The following TLCD4 variants were observed in gnomAD, a reference collection of about 807,000 sequenced individuals.
TLCD4 encodes TLC domain-containing protein 4.
In TLCD4, 7 loss-of-function variants were observed where a neutral mutation model predicts 24.2. The observed-to-expected ratio is 0.29, with a 90% confidence interval of 0.16 to 0.54. The LOEUF (loss-of-function observed/expected upper bound fraction) is 0.54, where lower values mean the gene tolerates loss of function less well. TLCD4 is among the 20% of genes least tolerant of loss of function. The pLI is 0.95. For missense variants in TLCD4, 259 were observed against 313.9 expected, an observed-to-expected ratio of 0.82 and a Z score of 1.32; for synonymous variants, 103 against 106.4, an observed-to-expected ratio of 0.97 and a Z score of 0.20.
At chr1:95,145,343 C>T (rs981789422) in intron 2 of TLCD4, among the ~76,000 whole-genome samples, 2 of 151,898 alleles carry the variant, frequency 1.3e-5, no homozygotes, top group South Asian at 2.1e-4. Context: ...CCCTTTGAAC[C>T]AAATTGTTTT....
At chr1:95,140,298 C>T (rs573990278) in intron 1 of TLCD4, among the ~76,000 whole-genome samples, 3 of 152,236 alleles carry the variant, frequency 2.0e-5, no homozygotes, top group Non-Finnish European at 2.9e-5. Context: ...ACCTCAAACA[C>T]GTGAGTAATG....
At position 95,144,930 on chromosome 1, in the gene TLCD4, A is replaced by T. The variant is rs571901592; in HGVS notation, c.155+874A>T. Among the ~76,000 whole-genome samples, 14 of 152,242 alleles carry T rather than the reference A, an allele frequency of 9.2e-5. No individual in the cohort carries two copies. The South Asian group carries it at 2.9e-3, about 32-fold the overall frequency. On this transcript the variant is annotated intron_variant, in intron 2 of 6. Transcript: ENST00000370203. ...GGTCTTGAACTCCTGACCTCAGGTG[A>T]TCCACCCACCTTGCCCTCCCAAAGT... is the stretch of plus-strand genomic sequence containing the variant.
intron 5 of TLCD4, among the ~76,000 whole-genome samples, chr1:95,160,402 T>C (rs960006973): frequency 3.3e-5 from 5 of 152,224 alleles, no homozygotes; most frequent in African/African-American, 1.2e-4. Flanking sequence ...TAAGGAGATT[T>C]TGGGCTGAGA....
chr1:95,151,542 G>A, intron 5 of TLCD4, 123 bp downstream of exon 5: 1 of 1,146,016 alleles, frequency 8.7e-7, no homozygotes, highest in Non-Finnish European at 1.2e-6. Context: ...ATGCATTCAG[G>A]GATTGCTTTT....
At chr1:95,110,741 G>C in the TLCD4 span, among the ~76,000 whole-genome samples, 3 of 151,716 alleles carry the variant, frequency 2.0e-5, no homozygotes, top group Non-Finnish European at 4.4e-5. Context: ...ATTTAAAAAA[G>C]TAGCCAGGTG....
intron 1 of TLCD4, among the ~76,000 whole-genome samples, chr1:95,126,028 A>G (rs1676724499): frequency 6.6e-6 from 1 of 150,970 alleles, no homozygotes; most frequent in African/African-American, 2.4e-5. Flanking sequence ...GCAGTGGCTC[A>G]TGCCTCTAAT....
the TLCD4 span, among the ~76,000 whole-genome samples, chr1:95,107,152 G>A: frequency 2.0e-4 from 31 of 152,284 alleles, 1 homozygote; most frequent in South Asian, 4.8e-3. Flanking sequence ...GGCCGGGCGC[G>A]GTGGCTCACG....
At position 95,143,961 on chromosome 1, in the gene TLCD4, G is replaced by A. The variant is rs143764689; in HGVS notation, c.60G>A (p.Gln20=). Residue 20 remains glutamine, a synonymous_variant, in exon 2 of 7, where the codon CAG becomes CAA. Transcript: ENST00000370203. ...CCTGTATCAGCTTTTTCACCTTTCA[G>A]CTTCTTTTCTACTTTGTAAGTTACT... The part of the protein sequence containing the change: ...SVTCISFFTF[Q]LLFYFVSYWF... 16 of 1,573,138 alleles carry A rather than the reference G, an allele frequency of 1.0e-5. No individual in the cohort carries two copies. In the African/African-American group the frequency reaches 1.6e-4, roughly 16 times the overall value.
At chr1:95,108,730 G>T in the TLCD4 span, among the ~76,000 whole-genome samples, 1 of 152,094 alleles carries the variant, frequency 6.6e-6, no homozygotes, top group Non-Finnish European at 1.5e-5. Flanking sequence ...TTTTTTCCAG[G>T]TGCTATCCAT....
rs1261639810 is a variant in TLCD4, at chr1:95,117,503, C to G, written c.-126C>G. ...TGAGCATCTCACCGGGCGGCACTGG[C>G]CAGCGCCAGCCCTCGGGCCGGCCCG... is the stretch of plus-strand genomic sequence containing the variant. On this transcript the variant is annotated 5_prime_UTR_variant, in exon 1 of 7. Transcript: ENST00000370203. The G allele has an allele frequency of 1.3e-5, 2 of 152,132 alleles. No homozygotes were observed. The highest frequency in any genetic ancestry group is 1.3e-4 in the Admixed American group (2 of 15,276). 9.4% of individuals were successfully genotyped at this position (152,132 alleles called of 1,614,324 possible).
Position 95,194,553 on chromosome 1 carries a change from ACT to A in TLCD4, c.*2688_*2689del, listed in dbSNP as rs1368291637. 9 of 152,144 alleles carry A rather than the reference ACT, an allele frequency of 5.9e-5. No individual in the cohort carries two copies. The highest frequency in any genetic ancestry group is 2.2e-4 in the African/African-American group (9 of 41,446). The allele number at this position is 152,144 out of a possible 1,614,324, so 9.4% of individuals were successfully genotyped here. On this transcript the variant is annotated 3_prime_UTR_variant, in exon 7 of 7. Transcript: ENST00000370203. Reference sequence around the variant, plus strand: ...CTATCAGGCATTCTGATATTTAACAACTCTATTAAAATATTTATAGAAAAATA... The same window carrying A: ...CTATCAGGCATTCTGATATTTAACAACTATTAAAATATTTATAGAAAAATA...
intron 1 of TLCD4, among the ~76,000 whole-genome samples, chr1:95,125,180 G>A (rs1676680839): frequency 6.6e-6 from 1 of 152,114 alleles, no homozygotes; most frequent in South Asian, 2.1e-4. Context: ...TCATTATCAA[G>A]TCTGTGGGCC....
intron 5 of TLCD4, among the ~76,000 whole-genome samples, chr1:95,159,112 A>G (rs879609156): frequency 5.3e-5 from 8 of 152,158 alleles, no homozygotes; most frequent in Non-Finnish European, 7.3e-5. Context: ...GAACTAGTTT[A>G]CACTCCCACC....
At chr1:95,126,773 A>G (rs1442692777) in intron 1 of TLCD4, among the ~76,000 whole-genome samples, 1 of 152,056 alleles carries the variant, frequency 6.6e-6, no homozygotes, top group African/African-American at 2.4e-5. Context: ...TCCTGACATG[A>G]TGGTCTCAGG....
At chr1:95,174,017 C>T in intron 6 of TLCD4, 128 bp downstream of exon 6, 1 of 1,313,604 alleles carries the variant, frequency 7.6e-7, no homozygotes, top group Non-Finnish European at 1.0e-6. Flanking sequence ...TTGTTATCAC[C>T]ATCATACAAA....
the TLCD4 span, among the ~76,000 whole-genome samples, chr1:95,107,542 T>C: frequency 6.6e-6 from 1 of 152,348 alleles, no homozygotes; most frequent in Non-Finnish European, 1.5e-5. Flanking sequence ...TGGAATTGAA[T>C]ATTTTAGCAG....
In TLCD4 at chr1:95,193,845, G is replaced by A. The variant is rs965417858; in HGVS notation, c.*1977G>A. The A allele has an allele frequency of 1.1e-4, 16 of 152,038 alleles. No individual in the cohort carries two copies. The East Asian group carries it at 3.1e-3, about 29-fold the overall frequency. The allele number at this position is 152,038 out of a possible 1,614,324, so 9.4% of individuals were successfully genotyped here. On this transcript the variant is annotated 3_prime_UTR_variant, in exon 7 of 7. Transcript: ENST00000370203. ...ATATGTACTGGTTAACTAGAGGGGGGTAGGAAAGCAAGCGGTTTTATCTTG... is the reference window on the plus strand; with the variant it reads ...ATATGTACTGGTTAACTAGAGGGGGATAGGAAAGCAAGCGGTTTTATCTTG...
intron 5 of TLCD4, among the ~76,000 whole-genome samples, chr1:95,171,072 C>T (rs1678201289): frequency 6.6e-6 from 1 of 151,892 alleles, no homozygotes; most frequent in Non-Finnish European, 1.5e-5. Flanking sequence ...TTTTTAGCCG[C>T]AAATGTGATT....
intron 6 of TLCD4, among the ~76,000 whole-genome samples, chr1:95,183,192 TA>T (rs1678708194): frequency 1.3e-5 from 2 of 152,282 alleles, no homozygotes; most frequent in Admixed American, 1.3e-4. Context: ...GTTCCGAAAG[TA>T]AATAAGAGTC....
Sources: gnomAD v4.1 joint callset for allele counts (sites outside exome capture counted in the v4.1 genomes callset) on GRCh38, gnomAD v4.1.1 for gene constraint, MANE v1.5 for transcripts, NCBI Gene and HGNC (gene_info 2026-07-23, HGNC 2026-07-21) for gene names.